MAPK10: variants seen among roughly 807,000 people sequenced by gnomAD.
The protein encoded by MAPK10 is mitogen-activated protein kinase 10.
MAPK10 carries 25 observed loss-of-function variants against 59.3 expected under a neutral mutation model. The ratio of observed to expected loss-of-function variants is 0.42; its 90% CI spans 0.31 to 0.59. The LOEUF (loss-of-function observed/expected upper bound fraction) is 0.59, where lower values mean the gene tolerates loss of function less well. Ranked by LOEUF, MAPK10 falls within the 20% of genes least tolerant of loss-of-function variation. MAPK10 has a pLI of 0.15. For missense variants in MAPK10, 351 were observed against 568.9 expected (o/e 0.62, Z 3.90); for synonymous variants, 190 against 200.5 (o/e 0.95, Z 0.44).
intron 1 of MAPK10, among the ~76,000 whole-genome samples, chr4:86,590,792 AAAC>A (rs912686588): frequency 5.9e-5 from 9 of 152,172 alleles, no homozygotes; most frequent in Non-Finnish European, 7.4e-5. Context: ...TCTCAAAAAA[AAAC>A]AACAATAAAA....
intron 1 of MAPK10, among the ~76,000 whole-genome samples, chr4:86,591,449 C>G (rs571372137): frequency 1.3e-5 from 2 of 152,102 alleles, no homozygotes; most frequent in Admixed American, 6.6e-5. Flanking sequence ...TCATGGCTCA[C>G]TTCAGCCTCG....
intron 10 of MAPK10, 74 bp downstream of exon 10, chr4:86,067,699 G>C: frequency 8.4e-7 from 1 of 1,187,584 alleles, no homozygotes; most frequent in East Asian, 2.4e-5. Flanking sequence ...GAAAGAGATA[G>C]AGGTCTCTAT....
At chr4:86,585,097 G>A (rs183255474) in intron 1 of MAPK10, among the ~76,000 whole-genome samples, 6 of 152,198 alleles carry the variant, frequency 3.9e-5, no homozygotes, top group East Asian at 1.9e-4. Context: ...ATTGAAAGCC[G>A]AGTAACTGGA....
At chr4:86,029,958 G>T (rs796286980) in intron 12 of MAPK10, among the ~76,000 whole-genome samples, 5 of 132,342 alleles carry the variant, frequency 3.8e-5, no homozygotes, top group African/African-American at 1.6e-4. Context: ...GATAGTTTCA[G>T]TTCTGTTTAC....
intron 1 of MAPK10, among the ~76,000 whole-genome samples, chr4:86,388,097 C>A (rs888016502): frequency 1.3e-5 from 2 of 151,246 alleles, no homozygotes; most frequent in Non-Finnish European, 2.9e-5. Flanking sequence ...GTACTGTAAT[C>A]GGGTTAGAAA....
intron 11 of MAPK10, among the ~76,000 whole-genome samples, chr4:86,035,346 G>A (rs1245595745): frequency 7.0e-6 from 1 of 142,466 alleles, no homozygotes; most frequent in Non-Finnish European, 1.5e-5. Context: ...ACTCCAGCCT[G>A]GGTGATAGAG....
At chr4:86,210,422 T>G (rs577241835) in intron 2 of MAPK10, among the ~76,000 whole-genome samples, 1 of 151,950 alleles carries the variant, frequency 6.6e-6, no homozygotes, top group South Asian at 2.1e-4. Flanking sequence ...AACGACTCTA[T>G]TAGAAAAAAA....
At chr4:86,172,330 T>C (rs1410709873) in intron 3 of MAPK10, among the ~76,000 whole-genome samples, 1 of 146,122 alleles carries the variant, frequency 6.8e-6, no homozygotes, top group Non-Finnish European at 1.5e-5. Flanking sequence ...AACCCAGATG[T>C]TCAACAATGA....
At chr4:86,547,806 CA>C (rs1650761490) in intron 1 of MAPK10, among the ~76,000 whole-genome samples, 1 of 152,174 alleles carries the variant, frequency 6.6e-6, no homozygotes, top group African/African-American at 2.4e-5. Flanking sequence ...GTAAACACAC[CA>C]ATCAGCACCC....
Position 86,209,823 on chromosome 4 carries a change from T to C in MAPK10, c.-6-15416A>G, listed in dbSNP as rs182628246. ...AAAATACCCAGAGTAGCCAAAACTG[T>C]CCTAAGCCAAAAGAGCAAATCTGGA... On this transcript the variant is annotated intron_variant, in intron 2 of 13. Coordinates refer to ENST00000641462, the MANE Select transcript of MAPK10 (RefSeq NM_138982.4). Among the ~76,000 whole-genome samples the C allele has an allele frequency of 3.0e-4, 45 of 152,102 alleles. No individual in the cohort carries two copies. In the East Asian group the frequency reaches 7.9e-3, roughly 27 times the overall value.
intron 2 of MAPK10, among the ~76,000 whole-genome samples, chr4:86,311,593 G>C (rs1343785830): frequency 6.6e-6 from 1 of 152,040 alleles, no homozygotes; most frequent in Non-Finnish European, 1.5e-5. Context: ...TACATATCTA[G>C]TAGTTTCTAC....
intron 13 of MAPK10, among the ~76,000 whole-genome samples, chr4:86,025,860 C>T (rs1005602966): frequency 6.6e-6 from 1 of 152,024 alleles, no homozygotes; most frequent in Admixed American, 6.6e-5. Context: ...CAATGATTTT[C>T]CTGATAACCC....
At chr4:86,181,324 C>G (rs2149283650) in intron 3 of MAPK10, among the ~76,000 whole-genome samples, 1 of 152,120 alleles carries the variant, frequency 6.6e-6, no homozygotes, top group Admixed American at 6.6e-5. Context: ...AGCTCAGTCC[C>G]TTTTACTTCT....
intron 3 of MAPK10, among the ~76,000 whole-genome samples, chr4:86,169,381 A>G (rs968839230): frequency 5.9e-5 from 9 of 152,222 alleles, no homozygotes; most frequent in Non-Finnish European, 1.3e-4. Context: ...GAGTGGATGG[A>G]GCTGAAAGCC....
chr4:86,015,266 T>C lies in MAPK10; in HGVS notation c.*1962A>G, dbSNP rs1295871768. On this transcript the variant is annotated 3_prime_UTR_variant, in exon 14 of 14. Coordinates refer to ENST00000641462, the MANE Select transcript of MAPK10 (RefSeq NM_138982.4). ...GGCAGCACCACTGGCATGGCGATGG[T>C]GCAGGTGGGTGCAGTTCCCTGTGGT... 4 of 152,214 alleles carry C rather than the reference T, an allele frequency of 2.6e-5. No individual in the cohort carries two copies. Among genetic ancestry groups the C allele is most frequent in the African/African-American group, 9.6e-5 (4 of 41,452 alleles). 9.4% of individuals were successfully genotyped at this position (152,214 alleles called of 1,614,324 possible).
chr4:86,255,706 T>C (rs548594899), intron 2 of MAPK10, among the ~76,000 whole-genome samples: 6 of 147,648 alleles, frequency 4.1e-5, no homozygotes, highest in African/African-American at 1.5e-4. Flanking sequence ...TTTATTTTTC[T>C]GGGGGATGGG....
intron 1 of MAPK10, among the ~76,000 whole-genome samples, chr4:86,406,944 T>G (rs888267618): frequency 3.9e-5 from 6 of 152,140 alleles, no homozygotes; most frequent in African/African-American, 1.4e-4. Flanking sequence ...GCAATCTTCA[T>G]TTACTCCAGA....
chr4:86,021,949 G>A (rs1048305530), intron 13 of MAPK10, among the ~76,000 whole-genome samples: 10 of 152,220 alleles, frequency 6.6e-5, no homozygotes, highest in South Asian at 2.1e-4. Context: ...CAGCTGGCCC[G>A]CAAGCGCCGC....
chr4:86,147,565 G>C (rs1208838495), intron 4 of MAPK10, among the ~76,000 whole-genome samples: 1 of 151,966 alleles, frequency 6.6e-6, no homozygotes, highest in Non-Finnish European at 1.5e-5. Flanking sequence ...CATTCTGTAA[G>C]GATACCATAA....
Sources: gnomAD v4.1 joint callset for allele counts (sites outside exome capture counted in the v4.1 genomes callset) on GRCh38, gnomAD v4.1.1 for gene constraint, MANE v1.5 for transcripts, NCBI Gene and HGNC (gene_info 2026-07-23, HGNC 2026-07-21) for gene names.